ASTN2: variants seen among roughly 807,000 people sequenced by gnomAD.
The protein encoded by ASTN2 is astrotactin-2.
In ASTN2, 54 loss-of-function variants were observed where a neutral mutation model predicts 139.8. That is an observed-to-expected ratio of 0.39 (90% CI 0.31 to 0.48). The LOEUF (loss-of-function observed/expected upper bound fraction) is 0.48, where lower values mean the gene tolerates loss of function less well. Among genes scored for constraint, ASTN2 ranks in the 20% least tolerant of loss-of-function variants. ASTN2 has a pLI of 0.95. For missense variants in ASTN2, 1,565 were observed against 1,725.1 expected (o/e 0.91, Z 1.64); for synonymous variants, 756 against 719.5 (o/e 1.05, Z -0.81).
At chr9:117,025,668 G>C (rs1838047667) in intron 6 of ASTN2, among the ~76,000 whole-genome samples, 1 of 152,096 alleles carries the variant, frequency 6.6e-6, no homozygotes, top group Non-Finnish European at 1.5e-5. Context: ...ACCTTCAGGG[G>C]AGCAGCCTTC....
chr9:116,740,637 C>T (rs1375276833), intron 13 of ASTN2, among the ~76,000 whole-genome samples: 1 of 151,826 alleles, frequency 6.6e-6, no homozygotes. Flanking sequence ...CTCAGCCTCC[C>T]GAGTAGCTGG....
intron 13 of ASTN2, among the ~76,000 whole-genome samples, chr9:116,801,308 C>T (rs908926769): frequency 2.0e-5 from 3 of 151,980 alleles, no homozygotes; most frequent in South Asian, 2.1e-4. Context: ...TACGGCTGGG[C>T]GGGGTGGCTC....
intron 10 of ASTN2, among the ~76,000 whole-genome samples, chr9:116,888,861 C>A (rs1263097597): frequency 1.3e-5 from 2 of 152,110 alleles, no homozygotes; most frequent in Non-Finnish European, 2.9e-5. Context: ...TCCCCACAAT[C>A]CCCCCTCAAG....
At chr9:117,280,877 C>A (rs980418342) in intron 2 of ASTN2, among the ~76,000 whole-genome samples, 3 of 152,096 alleles carry the variant, frequency 2.0e-5, no homozygotes, top group Admixed American at 2.0e-4. Context: ...CTCAAAATTT[C>A]ACCATTAATT....
At chr9:116,742,112 T>C (rs934209662) in intron 13 of ASTN2, among the ~76,000 whole-genome samples, 1 of 152,244 alleles carries the variant, frequency 6.6e-6, no homozygotes, top group Non-Finnish European at 1.5e-5. Context: ...AGGTAAATCA[T>C]TGTTTTGAAA....
intron 19 of ASTN2, among the ~76,000 whole-genome samples, chr9:116,568,090 C>A (rs143694455): frequency 3.6e-4 from 55 of 152,232 alleles, no homozygotes; most frequent in African/African-American, 1.2e-3. Flanking sequence ...TTGGTAAAGG[C>A]CTAAGTATTC....
intron 19 of ASTN2, among the ~76,000 whole-genome samples, chr9:116,519,629 A>G (rs1850786695): frequency 6.6e-6 from 1 of 152,112 alleles, no homozygotes; most frequent in Admixed American, 6.6e-5. Context: ...CCAAATCCAA[A>G]CCCAGCAGAA....
chr9:117,245,402 G>A (rs1198536250), intron 2 of ASTN2, among the ~76,000 whole-genome samples: 4 of 152,160 alleles, frequency 2.6e-5, no homozygotes, highest in African/African-American at 7.2e-5. Context: ...TTCAAGTGGC[G>A]GGAGGCCCAG....
intron 20 of ASTN2, among the ~76,000 whole-genome samples, chr9:116,447,994 T>C (rs1848054197): frequency 6.6e-6 from 1 of 152,040 alleles, no homozygotes; most frequent in South Asian, 2.1e-4. Flanking sequence ...AGTGAGAGCT[T>C]CTCACAGATC....
At chr9:117,005,701 T>C (rs1837334281) in intron 7 of ASTN2, among the ~76,000 whole-genome samples, 1 of 152,048 alleles carries the variant, frequency 6.6e-6, no homozygotes, top group Non-Finnish European at 1.5e-5. Context: ...CTCATGAACT[T>C]AAAGTGACCC....
chr9:117,256,439 C>T (rs78520395), intron 2 of ASTN2, among the ~76,000 whole-genome samples: 329 of 152,190 alleles, frequency 2.2e-3, no homozygotes, highest in African/African-American at 7.5e-3. Context: ...TATCATGGAA[C>T]GTTATCATTG....
Position 117,214,366 on chromosome 9 carries a change from T to C in ASTN2, c.1007A>G (p.Glu336Gly). Reference protein sequence around the residue: ...GHPGEEKVDFEKKAAAEATQE... With the variant: ...GHPGEEKVDFGKKAAAEATQE... ...TGACATGGAGGACTCACCTTTCTTCTCAAAGTCCACCTTCTCTTCCCCTGG... is the reference window on the plus strand; with the variant it reads ...TGACATGGAGGACTCACCTTTCTTCCCAAAGTCCACCTTCTCTTCCCCTGG... The change falls in exon 3 of 23, where the codon GAG (glutamate) becomes GGG (glycine). Residue 336 changes from glutamate to glycine, a missense_variant. By Grantham distance (98) the Glu-to-Gly change is moderately conservative. Coordinates refer to ENST00000313400, the MANE Select transcript of ASTN2 (RefSeq NM_001365068.1). 1 of 1,585,018 alleles carries C rather than the reference T, an allele frequency of 6.3e-7. No homozygotes were observed. The highest frequency in any genetic ancestry group is 8.6e-7 in the Non-Finnish European group (1 of 1,157,486).
chr9:116,623,533 C>T (rs1189023971), intron 17 of ASTN2, among the ~76,000 whole-genome samples: 1 of 152,128 alleles, frequency 6.6e-6, no homozygotes, highest in African/African-American at 2.4e-5. Context: ...CATCCAGAGT[C>T]CAATTAGATC....
At chr9:116,794,743 T>C (rs756911287) in intron 13 of ASTN2, among the ~76,000 whole-genome samples, 2 of 152,130 alleles carry the variant, frequency 1.3e-5, no homozygotes, top group African/African-American at 4.8e-5. Flanking sequence ...TTGAAAGGGA[T>C]AGAAAACAGT....
chr9:116,919,770 C>A (rs1834549140), intron 10 of ASTN2, among the ~76,000 whole-genome samples: 1 of 150,390 alleles, frequency 6.6e-6, no homozygotes, highest in African/African-American at 2.4e-5. Context: ...ATGGCAAAAC[C>A]CCATCTCCAC....
chr9:117,120,797 A>G (rs577761200), intron 4 of ASTN2, among the ~76,000 whole-genome samples: 1 of 152,346 alleles, frequency 6.6e-6, no homozygotes, highest in African/African-American at 2.4e-5. Context: ...CCTGTAGGTA[A>G]TGGAAGCAAT....
chr9:116,856,623 A>G (rs1182251297), intron 11 of ASTN2, among the ~76,000 whole-genome samples: 2 of 152,322 alleles, frequency 1.3e-5, no homozygotes, highest in Admixed American at 6.5e-5. Context: ...TTCCTGGCCT[A>G]TACTAAATGG....
intron 16 of ASTN2, among the ~76,000 whole-genome samples, chr9:116,668,529 C>T (rs909934099): frequency 6.6e-6 from 1 of 152,180 alleles, no homozygotes; most frequent in Non-Finnish European, 1.5e-5. Context: ...TAAGCTTCCT[C>T]CATGTATTTT....
chr9:117,016,468 A>G (rs1270147243), intron 6 of ASTN2, among the ~76,000 whole-genome samples: 1 of 149,036 alleles, frequency 6.7e-6, no homozygotes, highest in Non-Finnish European at 1.5e-5. Flanking sequence ...CAGTGGGAGT[A>G]GGAAATGCTA....
Sources: gnomAD v4.1 joint callset for allele counts (sites outside exome capture counted in the v4.1 genomes callset) on GRCh38, gnomAD v4.1.1 for gene constraint, MANE v1.5 for transcripts, NCBI Gene and HGNC (gene_info 2026-07-23, HGNC 2026-07-21) for gene names.